The following PSEN1 variants were observed in gnomAD, a reference collection of about 807,000 sequenced individuals.
PSEN1 encodes presenilin 1.
Under a neutral mutation model 53.5 loss-of-function variants are expected in PSEN1, and 15 were observed. That is an observed-to-expected ratio of 0.28 (90% confidence interval 0.19 to 0.43). The LOEUF is 0.43. Ranked by LOEUF, PSEN1 falls within the 20% of genes least tolerant of loss-of-function variation. The pLI is 1.00. For missense variants in PSEN1, 387 were observed against 571.2 expected, an observed-to-expected ratio of 0.68 and a Z score of 3.29; for synonymous variants, 208 against 209.8, an observed-to-expected ratio of 0.99 and a Z score of 0.08.
intron 9 of PSEN1, 96 bp from the exon 10 acceptor site, chr14:73,211,673 G>GTT: frequency 7.3e-7 from 1 of 1,372,554 alleles, no homozygotes; most frequent in Non-Finnish European, 1.0e-6. Flanking sequence ...GGGCCAGCTA[G>GTT]TTACAATGAC....
chr14:73,183,295 T>C (rs940661360), intron 5 of PSEN1, among the ~76,000 whole-genome samples: 1 of 150,556 alleles, frequency 6.6e-6, no homozygotes, highest in Non-Finnish European at 1.5e-5. Context: ...TTTTTGTATT[T>C]TTTTTTTTTA....
intron 5 of PSEN1, among the ~76,000 whole-genome samples, chr14:73,179,929 A>G (rs1474458938): frequency 6.6e-6 from 1 of 152,100 alleles, no homozygotes; most frequent in East Asian, 1.9e-4. Context: ...CTTATCTGGA[A>G]CCTTTCTTAA....
intron 9 of PSEN1, among the ~76,000 whole-genome samples, chr14:73,208,370 C>G (rs1379974958): frequency 1.2e-4 from 18 of 152,192 alleles, no homozygotes; most frequent in Admixed American, 1.2e-3. Context: ...GTACAGCTCT[C>G]AGGAGACCCT....
At chr14:73,190,531 A>G (rs1208924835) in intron 6 of PSEN1, among the ~76,000 whole-genome samples, 1 of 152,016 alleles carries the variant, frequency 6.6e-6, no homozygotes, top group Non-Finnish European at 1.5e-5. Flanking sequence ...ATTTGTGTCA[A>G]GTAGAAAAGT....
chr14:73,203,076 GT>G (rs1023893274), intron 8 of PSEN1, among the ~76,000 whole-genome samples: 1 of 151,846 alleles, frequency 6.6e-6, no homozygotes, highest in African/African-American at 2.4e-5. Flanking sequence ...AGTTTGAGAG[GT>G]TTTTTTGTTT....
intron 1 of PSEN1, among the ~76,000 whole-genome samples, chr14:73,145,022 A>T (rs575845029): frequency 8.5e-5 from 13 of 152,154 alleles, no homozygotes; most frequent in African/African-American, 2.6e-4. Context: ...CCTCCTTAGT[A>T]GCTGGGATTA....
chr14:73,165,857 A>C (rs1388461153), intron 3 of PSEN1, among the ~76,000 whole-genome samples: 1 of 151,878 alleles, frequency 6.6e-6, no homozygotes, highest in Non-Finnish European at 1.5e-5. Flanking sequence ...GGAGTTCGAG[A>C]CCAGCCTGGC....
chr14:73,159,019 C>G (rs995341168), intron 3 of PSEN1, among the ~76,000 whole-genome samples: 17 of 152,166 alleles, frequency 1.1e-4, no homozygotes, highest in African/African-American at 3.9e-4. Flanking sequence ...GGTGACTTGT[C>G]TGTTCAAATC....
intron 7 of PSEN1, chr14:73,197,804 CA>C: frequency 1.9e-6 from 1 of 539,148 alleles, no homozygotes; most frequent in East Asian, 3.3e-5. Flanking sequence ...CAGTCAAACC[CA>C]AATGAAATTT....
rs951680324 is a variant in PSEN1, at chr14:73,181,114, C to T, written c.481-5739C>T. On this transcript the variant is annotated intron_variant, in intron 5 of 11. Transcript: ENST00000324501. ...GCAAAGGTTCAATTGTGGGTTTATC[C>T]GTATGAGTAGACTATTATTTTGTCA... Among the ~76,000 whole-genome samples, 15 of 152,088 alleles carry T rather than the reference C, an allele frequency of 9.9e-5. 1 individual carries two copies. The highest frequency in any genetic ancestry group is 2.4e-5 in the African/African-American group (1 of 41,410).
At chr14:73,194,358 A>G (rs1379762657) in intron 7 of PSEN1, among the ~76,000 whole-genome samples, 3 of 151,872 alleles carry the variant, frequency 2.0e-5, no homozygotes, top group African/African-American at 7.3e-5. Flanking sequence ...CTGGGCTCAA[A>G]CAATCCTCCC....
chr14:73,170,878 G>A lies in PSEN1; in HGVS notation c.169G>A (p.Gly57Ser). The A allele has an allele frequency of 6.2e-7, 1 of 1,614,160 alleles. No homozygotes were observed. Among genetic ancestry groups the A allele is most frequent in the Non-Finnish European group, 8.5e-7 (1 of 1,180,022 alleles). ...GCCATTATCTAATGGACGACCCCAG[G>A]GTAACTCCCGGCAGGTGGTGGAGCA... The part of the protein sequence containing the change: ...PEPLSNGRPQ[G>S]NSRQVVEQDE... The change falls in exon 4 of 12, where the codon GGT (glycine) becomes AGT (serine). Residue 57 changes from glycine to serine, a missense_variant. Transcript: ENST00000324501.
intron 1 of PSEN1, among the ~76,000 whole-genome samples, chr14:73,143,014 CTG>C (rs937289641): frequency 6.6e-6 from 1 of 152,164 alleles, no homozygotes; most frequent in Non-Finnish European, 1.5e-5. Flanking sequence ...ATCTGGGTAA[CTG>C]TTGTTGTTTT....
rs1056146700 is a variant in PSEN1, at chr14:73,210,956, T to C, written c.956-813T>C. Among the ~76,000 whole-genome samples the C allele has an allele frequency of 3.3e-5, 5 of 152,202 alleles. No homozygotes were observed. The South Asian group carries it at 1.0e-3, about 32-fold the overall frequency. On this transcript the variant is annotated intron_variant, in intron 9 of 11. Transcript: ENST00000324501. ...TTTTCAATGAGATTGATAGTCATTA[T>C]AATGAAATGACTGGCCCATAAAGAC...
intron 1 of PSEN1, among the ~76,000 whole-genome samples, chr14:73,141,927 C>T (rs1450865123): frequency 5.9e-5 from 9 of 152,084 alleles, no homozygotes; most frequent in African/African-American, 1.2e-4. Flanking sequence ...ATTAGCCAGG[C>T]GTGGTGGCGG....
intron 7 of PSEN1, among the ~76,000 whole-genome samples, chr14:73,196,507 G>A (rs1183620454): frequency 7.8e-6 from 1 of 128,840 alleles, no homozygotes; most frequent in African/African-American, 3.1e-5. Context: ...TTTGAGGCAC[G>A]GTCTTACTTT....
chr14:73,169,044 A>G (rs1007054624), intron 3 of PSEN1: 2 of 152,254 alleles, frequency 1.3e-5, no homozygotes, highest in Non-Finnish European at 2.9e-5. Flanking sequence ...GCTCCGAGCC[A>G]TGAGGGGGTC....
chr14:73,189,175 G>A (rs962100716), intron 6 of PSEN1, among the ~76,000 whole-genome samples: 5 of 152,164 alleles, frequency 3.3e-5, no homozygotes, highest in African/African-American at 7.2e-5. Flanking sequence ...AAAGAAATAC[G>A]AACTATATAA....
chr14:73,206,818 A>G (rs560433382), intron 9 of PSEN1, among the ~76,000 whole-genome samples: 1 of 152,334 alleles, frequency 6.6e-6, no homozygotes, highest in East Asian at 1.9e-4. Context: ...AACATGTAAA[A>G]GTAAGAATCT....
Sources: gnomAD v4.1 joint callset for allele counts (sites outside exome capture counted in the v4.1 genomes callset) on GRCh38, gnomAD v4.1.1 for gene constraint, MANE v1.5 for transcripts, NCBI Gene and HGNC (gene_info 2026-07-23, HGNC 2026-07-21) for gene names.